The following DGKI variants were observed in gnomAD, a reference collection of about 807,000 sequenced individuals.
DGKI encodes diacylglycerol kinase iota.
In DGKI, 55 loss-of-function variants were observed where a neutral mutation model predicts 147.5. The ratio of observed to expected loss-of-function variants is 0.37; its 90% CI spans 0.30 to 0.47. The LOEUF (loss-of-function observed/expected upper bound fraction) is 0.47. DGKI is among the 20% of genes least tolerant of loss of function. The pLI, the probability that DGKI is intolerant of heterozygous loss-of-function variation, is 1.00. For missense variants in DGKI, 1,007 were observed against 1,323.8 expected (o/e 0.76, Z 3.71); for synonymous variants, 469 against 477.1 (o/e 0.98, Z 0.22).
chr7:137,430,164 AC>A (rs1274021533), intron 28 of DGKI, among the ~76,000 whole-genome samples: 1 of 144,190 alleles, frequency 6.9e-6, no homozygotes, highest in African/African-American at 2.6e-5. Flanking sequence ...CAAATGTCCA[AC>A]AATGATAGAC....
intron 1 of DGKI, chr7:137,721,960 A>C: frequency 7.3e-7 from 1 of 1,370,180 alleles, no homozygotes; most frequent in Non-Finnish European, 1.0e-6. Flanking sequence ...GAAGTATAGC[A>C]TAGTGAGCTC....
At chr7:137,749,577 A>C (rs1795438304) in intron 1 of DGKI, among the ~76,000 whole-genome samples, 1 of 152,222 alleles carries the variant, frequency 6.6e-6, no homozygotes, top group Admixed American at 6.5e-5. Context: ...TATATTAGTC[A>C]ATCAGCTTGT....
At chr7:137,645,953 C>T (rs3800618) in intron 5 of DGKI, among the ~76,000 whole-genome samples, 13,406 of 152,184 alleles carry the variant, frequency 0.088, 1,898 homozygotes, top group African/African-American at 0.3. Flanking sequence ...CCTCCCTCCA[C>T]GTCTTCCTAG....
intron 28 of DGKI, among the ~76,000 whole-genome samples, chr7:137,442,882 G>A (rs912727105): frequency 3.9e-5 from 6 of 152,272 alleles, no homozygotes; most frequent in Non-Finnish European, 7.3e-5. Context: ...TGAAATTTGC[G>A]CATTAAGCCC....
intron 16 of DGKI, 38 bp from the exon 17 acceptor site, chr7:137,577,322 T>C: frequency 7.0e-7 from 1 of 1,420,086 alleles, no homozygotes; most frequent in Non-Finnish European, 9.8e-7. Context: ...AAATTCGTAA[T>C]TACATGGTGA....
intron 15 of DGKI, among the ~76,000 whole-genome samples, chr7:137,580,220 G>A (rs1339287448): frequency 6.6e-6 from 1 of 151,954 alleles, no homozygotes; most frequent in Admixed American, 6.6e-5. Flanking sequence ...AAGAAGTTTG[G>A]GGTATTTTAT....
chr7:137,722,187 C>T lies in DGKI; in HGVS notation c.402-32185G>A. On this transcript the variant is annotated intron_variant, in intron 1 of 32. Coordinates refer to ENST00000614521, the MANE Select transcript of DGKI (RefSeq NM_001321708.2). ...GATCTGCTATGTATTCCAGAAAGGCCATGTACAAGAGGAAGTACTCAGCCG... is the reference window on the plus strand; with the variant it reads ...GATCTGCTATGTATTCCAGAAAGGCTATGTACAAGAGGAAGTACTCAGCCG... 1.9e-6 allele frequency: 3 copies of T among 1,601,028 alleles called. No individual in the cohort carries two copies. The East Asian group carries it at 6.7e-5, about 36-fold the overall frequency.
intron 1 of DGKI, among the ~76,000 whole-genome samples, chr7:137,768,535 A>T (rs1200411724): frequency 6.6e-6 from 1 of 152,204 alleles, no homozygotes; most frequent in African/African-American, 2.4e-5. Flanking sequence ...TGAGCAAAAA[A>T]TATCCTTTCC....
chr7:137,706,344 T>C (rs1411565866), intron 1 of DGKI, among the ~76,000 whole-genome samples: 5 of 151,896 alleles, frequency 3.3e-5, no homozygotes, highest in Non-Finnish European at 7.4e-5. Flanking sequence ...AGATGAAATA[T>C]GCAGACCACC....
chr7:137,825,504 G>A (rs958759999), intron 1 of DGKI, among the ~76,000 whole-genome samples: 2 of 152,110 alleles, frequency 1.3e-5, no homozygotes, highest in Non-Finnish European at 1.5e-5. Context: ...GGTATCATTA[G>A]CCTCATTTTT....
Position 137,674,383 on chromosome 7 carries a change from T to A in DGKI, c.606+4174A>T, listed in dbSNP as rs779738879. Among the ~76,000 whole-genome samples, 3 of 152,204 alleles carry A rather than the reference T, an allele frequency of 2.0e-5. 1 individual carries two copies. The highest frequency in any genetic ancestry group is 4.4e-5 in the Non-Finnish European group (3 of 68,044). ...ATCAGTCCCCAAATATCAATCCACA[T>A]GGCAGCAGGAGGTCCCGGCTTTGCA... On this transcript the variant is annotated intron_variant, in intron 3 of 32. Transcript: ENST00000614521.
At chr7:137,813,371 A>G (rs76192747) in intron 1 of DGKI, among the ~76,000 whole-genome samples, 508 of 152,284 alleles carry the variant, frequency 3.3e-3, no homozygotes, top group African/African-American at 0.011. Context: ...GTAAGGATGA[A>G]CCCAATGTTC....
intron 1 of DGKI, among the ~76,000 whole-genome samples, chr7:137,820,901 G>C (rs909731735): frequency 6.6e-6 from 1 of 151,966 alleles, no homozygotes; most frequent in Admixed American, 6.5e-5. Context: ...CTCTAGTTTC[G>C]GCCCCTCACC....
At chr7:137,819,185 A>T (rs1797822831) in intron 1 of DGKI, among the ~76,000 whole-genome samples, 1 of 152,154 alleles carries the variant, frequency 6.6e-6, no homozygotes, top group African/African-American at 2.4e-5. Context: ...ATAGCTATTG[A>T]GTACAGCCCA....
chr7:137,596,993 A>T (rs539044574), intron 12 of DGKI, among the ~76,000 whole-genome samples: 1 of 152,348 alleles, frequency 6.6e-6, no homozygotes, highest in African/African-American at 2.4e-5. Context: ...AAATGTCATG[A>T]TTCTCAATTC....
At chr7:137,429,259 A>G (rs1812959458) in intron 28 of DGKI, among the ~76,000 whole-genome samples, 1 of 151,194 alleles carries the variant, frequency 6.6e-6, no homozygotes, top group African/African-American at 2.4e-5. Context: ...CATATCTACA[A>G]CTATCTGATC....
intron 1 of DGKI, among the ~76,000 whole-genome samples, chr7:137,799,754 A>T (rs536690213): frequency 6.6e-6 from 1 of 152,340 alleles, no homozygotes; most frequent in African/African-American, 2.4e-5. Context: ...TGAAAGGATG[A>T]TTAAATGAGA....
chr7:137,753,736 T>C (rs1055918370), intron 1 of DGKI, among the ~76,000 whole-genome samples: 1 of 152,184 alleles, frequency 6.6e-6, no homozygotes, highest in Admixed American at 6.5e-5. Flanking sequence ...GGGTGATCTA[T>C]GAGGCTACAG....
intron 1 of DGKI, among the ~76,000 whole-genome samples, chr7:137,805,082 A>C (rs1797325131): frequency 6.6e-6 from 1 of 152,218 alleles, no homozygotes; most frequent in African/African-American, 2.4e-5. Flanking sequence ...TGACTCCACT[A>C]TTGTACTGAT....
Sources: allele counts gnomAD v4.1 joint callset (sites outside exome capture counted in the v4.1 genomes callset), GRCh38; gene constraint gnomAD v4.1.1; transcripts MANE v1.5; gene names NCBI Gene and HGNC (gene_info 2026-07-23, HGNC 2026-07-21).